SRD5A2: variants seen among roughly 807,000 people sequenced by gnomAD.
The protein encoded by SRD5A2 is steroid 5 alpha-reductase 2.
In SRD5A2, 30 loss-of-function variants were observed where a neutral mutation model predicts 27.4. That is an observed-to-expected ratio of 1.10 (90% CI 0.82 to 1.49). SRD5A2 has a LOEUF of 1.49. Ranked by LOEUF, SRD5A2 falls within the 40% of genes most tolerant of loss-of-function variation. SRD5A2 has a pLI of 0.00. For missense variants in SRD5A2, 348 were observed against 323.4 expected (o/e 1.08, Z -0.58); for synonymous variants, 141 against 133.6 (o/e 1.06, Z -0.38).
At chr2:31,636,833 C>T in the SRD5A2 span, among the ~76,000 whole-genome samples, 8 of 152,084 alleles carry the variant, frequency 5.3e-5, no homozygotes, top group African/African-American at 9.6e-5. Context: ...TATTTGATCA[C>T]GGTAAATGAT....
At chr2:31,581,241 G>C (rs1667077811), upstream of SRD5A2, among the ~76,000 whole-genome samples, 1 of 152,154 alleles carries the variant, frequency 6.6e-6, no homozygotes, top group African/African-American at 2.4e-5. Flanking sequence ...TAAGACACGG[G>C]AAGAAAACCC....
At position 31,523,129 on chromosome 2, in the gene SRD5A2, G is replaced by A. The variant is rs1428169956; in HGVS notation, c.*3067C>T. The stretch of plus-strand genomic sequence containing the variant: ...GAAAGTAAGCATTAGGGATAAGGGG[G>A]TTTATGACCTGAAACCTTTTTTCCA... On this transcript the variant is annotated 3_prime_UTR_variant, in exon 5 of 5. Transcript: ENST00000622030. 3 of 216,792 alleles carry A rather than the reference G, an allele frequency of 1.4e-5. No homozygotes were observed. The highest frequency in any genetic ancestry group is 1.4e-3 in the Middle Eastern group (1 of 730). The allele number at this position is 216,792 out of a possible 1,614,324, so 13.4% of individuals were successfully genotyped here.
chr2:31,592,063 C>T, the SRD5A2 span, among the ~76,000 whole-genome samples: 80 of 148,674 alleles, frequency 5.4e-4, no homozygotes, highest in South Asian at 6.4e-4. Flanking sequence ...ATTGTGCACA[C>T]GTACCCTAAA....
the SRD5A2 span, among the ~76,000 whole-genome samples, chr2:31,642,185 T>A: frequency 6.6e-6 from 1 of 152,076 alleles, no homozygotes; most frequent in Admixed American, 6.5e-5. Flanking sequence ...AAATTAGATG[T>A]CCATATACCA....
At chr2:31,534,444 C>A (rs1665983929) in intron 1 of SRD5A2, among the ~76,000 whole-genome samples, 1 of 152,140 alleles carries the variant, frequency 6.6e-6, no homozygotes, top group Non-Finnish European at 1.5e-5. Context: ...CCTAGTTTGG[C>A]ACATTCATCA....
the SRD5A2 span, among the ~76,000 whole-genome samples, chr2:31,618,052 T>G: frequency 2.6e-5 from 4 of 152,296 alleles, no homozygotes; most frequent in South Asian, 6.2e-4. Flanking sequence ...GAGGATTAAT[T>G]GACTCACAGT....
chr2:31,626,571 G>A, the SRD5A2 span, among the ~76,000 whole-genome samples: 1 of 152,124 alleles, frequency 6.6e-6, no homozygotes, highest in South Asian at 2.1e-4. Flanking sequence ...CATGAAAGCT[G>A]TTGAATTTTG....
chr2:31,584,503 T>A (rs1009662060), upstream of SRD5A2, among the ~76,000 whole-genome samples: 1 of 152,218 alleles, frequency 6.6e-6, no homozygotes, highest in African/African-American at 2.4e-5. Flanking sequence ...TGGTCCTCCA[T>A]AACACTGTCC....
At chr2:31,601,037 AC>A in the SRD5A2 span, among the ~76,000 whole-genome samples, 11 of 151,948 alleles carry the variant, frequency 7.2e-5, no homozygotes, top group Admixed American at 6.6e-5. Flanking sequence ...GAGGAAGCAA[AC>A]CCCAAAGCTA....
At chr2:31,597,088 A>G in the SRD5A2 span, among the ~76,000 whole-genome samples, 3 of 152,072 alleles carry the variant, frequency 2.0e-5, no homozygotes, top group African/African-American at 7.2e-5. Flanking sequence ...ACACAACTTC[A>G]AACTATACTA....
chr2:31,577,516 G>A (rs1266620594), intron 1 of SRD5A2, among the ~76,000 whole-genome samples: 1 of 152,180 alleles, frequency 6.6e-6, no homozygotes, highest in Non-Finnish European at 1.5e-5. Flanking sequence ...TTGACCCTGT[G>A]GAATCTACAT....
chr2:31,571,575 A>AC (rs1282054328), intron 1 of SRD5A2, among the ~76,000 whole-genome samples: 1 of 152,202 alleles, frequency 6.6e-6, no homozygotes, highest in Non-Finnish European at 1.5e-5. Flanking sequence ...TCAAGAGAGT[A>AC]AACATGCAAC....
intron 1 of SRD5A2, among the ~76,000 whole-genome samples, chr2:31,569,687 A>T (rs1235077023): frequency 6.6e-6 from 1 of 151,886 alleles, no homozygotes; most frequent in East Asian, 1.9e-4. Flanking sequence ...CAAAAAAAAA[A>T]AAACACAACA....
At chr2:31,646,216 G>T in the SRD5A2 span, among the ~76,000 whole-genome samples, 1 of 151,978 alleles carries the variant, frequency 6.6e-6, no homozygotes, top group African/African-American at 2.4e-5. Flanking sequence ...GTGCCTTCTT[G>T]CATCTACATT....
At chr2:31,578,104 T>C (rs946569979) in intron 1 of SRD5A2, among the ~76,000 whole-genome samples, 1 of 152,168 alleles carries the variant, frequency 6.6e-6, no homozygotes, top group African/African-American at 2.4e-5. Flanking sequence ...CAAGCATGTG[T>C]GAAAATCTAC....
chr2:31,596,576 A>G, the SRD5A2 span, among the ~76,000 whole-genome samples: 1 of 152,020 alleles, frequency 6.6e-6, no homozygotes, highest in African/African-American at 2.4e-5. Context: ...TGATATAATC[A>G]CATACCTAGA....
chr2:31,548,932 A>T (rs1666320233), intron 1 of SRD5A2, among the ~76,000 whole-genome samples: 1 of 151,998 alleles, frequency 6.6e-6, no homozygotes. Flanking sequence ...TATAACATGG[A>T]TGAACCCTGA....
rs1315284709 is a variant in SRD5A2 at position 31,523,427 on chromosome 2, G to A, written c.*2769C>T. On this transcript the variant is annotated 3_prime_UTR_variant, in exon 5 of 5. Transcript: ENST00000622030. ...GAAGCATACATCTGACCCTCAAAGGGACAAAATGAGATGGCTGCTCTGACC... is the reference window on the plus strand; with the variant it reads ...GAAGCATACATCTGACCCTCAAAGGAACAAAATGAGATGGCTGCTCTGACC... 4.6e-6 allele frequency: 1 copy of A among 218,850 alleles called. No individual in the cohort carries two copies. The highest frequency in any genetic ancestry group is 6.7e-5 in the East Asian group (1 of 14,928). 13.6% of individuals were successfully genotyped at this position (218,850 alleles called of 1,614,324 possible).
intron 1 of SRD5A2, among the ~76,000 whole-genome samples, chr2:31,571,963 C>G (rs2148098757): frequency 6.6e-6 from 1 of 152,294 alleles, no homozygotes. Context: ...TTGAACTCAG[C>G]AATCCCATTA....
Sources: gnomAD v4.1 joint callset for allele counts (sites outside exome capture counted in the v4.1 genomes callset) on GRCh38, gnomAD v4.1.1 for gene constraint, MANE v1.5 for transcripts, NCBI Gene and HGNC (gene_info 2026-07-23, HGNC 2026-07-21) for gene names.